CHLSN: variants seen among roughly 807,000 people sequenced by gnomAD.
The protein encoded by CHLSN is protein cholesin.
At chr7:1,122,952 C>T in the CHLSN span, among the ~76,000 whole-genome samples, 1 of 152,206 alleles carries the variant, frequency 6.6e-6, no homozygotes, top group Non-Finnish European at 1.5e-5. Flanking sequence ...GTCACCAAGA[C>T]ACGAGACAGG....
At chr7:993,185 G>T in the CHLSN span, among the ~76,000 whole-genome samples, 1 of 152,238 alleles carries the variant, frequency 6.6e-6, no homozygotes, top group Non-Finnish European at 1.5e-5. Context: ...AGTGGGCGGG[G>T]GGTGGCCTGA....
chr7:1,099,459 C>T, the CHLSN span, among the ~76,000 whole-genome samples: 9 of 152,380 alleles, frequency 5.9e-5, no homozygotes, highest in African/African-American at 1.2e-4. Context: ...GAATCCTAGA[C>T]GCCATCCAGC....
At chr7:992,226 G>T in the CHLSN span, among the ~76,000 whole-genome samples, 1 of 152,222 alleles carries the variant, frequency 6.6e-6, no homozygotes, top group Non-Finnish European at 1.5e-5. Context: ...GGACCCTCCT[G>T]GGGTGGGCAG....
chr7:1,044,748 C>G, the CHLSN span: 3 of 152,284 alleles, frequency 2.0e-5, no homozygotes, highest in Non-Finnish European at 4.4e-5. Context: ...TGCTGTGGCT[C>G]CCACGGCGGG....
the CHLSN span, among the ~76,000 whole-genome samples, chr7:1,016,651 GCA>G: frequency 4.4e-4 from 36 of 82,582 alleles, 1 homozygote; most frequent in South Asian, 2.2e-3. Flanking sequence ...GCGCACAGCA[GCA>G]CACAGCAGCG....
the CHLSN span, chr7:1,059,265 T>TA: frequency 1.2e-5 from 2 of 166,252 alleles, no homozygotes; most frequent in Middle Eastern, 6.8e-3. Context: ...AAAGGTGTGT[T>TA]AGGATTTCTG....
chr7:1,114,596 G>A, the CHLSN span, among the ~76,000 whole-genome samples: 1,694 of 152,362 alleles, frequency 0.011, 25 homozygotes, highest in African/African-American at 0.039. Context: ...CGTGATGGGC[G>A]CGGGGCCCAA....
the CHLSN span, chr7:1,058,985 G>A: frequency 5.4e-6 from 1 of 186,766 alleles, no homozygotes; most frequent in Non-Finnish European, 1.3e-5. Context: ...CTGCCAGTGG[G>A]CGGCGTGTGC....
At chr7:1,042,156 A>G in the CHLSN span, among the ~76,000 whole-genome samples, 33 of 152,004 alleles carry the variant, frequency 2.2e-4, no homozygotes, top group African/African-American at 7.5e-4. Flanking sequence ...CCCACCCGCA[A>G]CACACACGGC....
At chr7:1,110,515 CCCG>C in the CHLSN span, among the ~76,000 whole-genome samples, 1 of 152,206 alleles carries the variant, frequency 6.6e-6, no homozygotes, top group Non-Finnish European at 1.5e-5. Flanking sequence ...TCCCGCGCCT[CCCG>C]CCACGTCTTC....
chr7:1,100,132 ATGCTATACATGC>A, the CHLSN span, among the ~76,000 whole-genome samples: 1 of 152,176 alleles, frequency 6.6e-6, no homozygotes, highest in Admixed American at 6.5e-5. Context: ...CTGAGTGGAA[ATGCTATACATGC>A]CACTTGCCTT....
At chr7:986,151 C>T in the CHLSN span, among the ~76,000 whole-genome samples, 3 of 152,292 alleles carry the variant, frequency 2.0e-5, no homozygotes, top group South Asian at 4.1e-4. Context: ...TACTGGCGAT[C>T]GCGGACGCCC....
At chr7:1,020,858 T>C in the CHLSN span, among the ~76,000 whole-genome samples, 3 of 152,190 alleles carry the variant, frequency 2.0e-5, no homozygotes, top group Non-Finnish European at 4.4e-5. Flanking sequence ...CTCGACTTTC[T>C]TGGGGGCAAT....
the CHLSN span, among the ~76,000 whole-genome samples, chr7:1,130,357 G>A: frequency 6.6e-6 from 1 of 152,216 alleles, no homozygotes; most frequent in African/African-American, 2.4e-5. Flanking sequence ...GCTGGTGGCT[G>A]TGGCCAGGAC....
At chr7:1,016,653 A>ACGCCAGGG in the CHLSN span, among the ~76,000 whole-genome samples, 242 of 77,050 alleles carry the variant, frequency 3.1e-3, 23 homozygotes, top group African/African-American at 0.017. Context: ...GCACAGCAGC[A>ACGCCAGGG]CACAGCAGCG....
the CHLSN span, among the ~76,000 whole-genome samples, chr7:1,004,183 G>A: frequency 0.38 from 58,508 of 152,066 alleles, 12,186 homozygotes; most frequent in African/African-American, 0.56. Context: ...TCTGCTCCCC[G>A]GATGGCCGAC....
At chr7:1,116,098 AG>A in the CHLSN span, among the ~76,000 whole-genome samples, 8 of 102,966 alleles carry the variant, frequency 7.8e-5, no homozygotes, top group Admixed American at 1.1e-4. Flanking sequence ...CTACAGCTCT[AG>A]GGACCGGCTT....
the CHLSN span, among the ~76,000 whole-genome samples, chr7:1,103,729 G>A: frequency 2.6e-5 from 4 of 152,234 alleles, no homozygotes; most frequent in Admixed American, 6.5e-5. Flanking sequence ...GGAGAGGGCT[G>A]TGCTCCGTCT....
At chr7:1,101,888 G>C in the CHLSN span, among the ~76,000 whole-genome samples, 1 of 152,272 alleles carries the variant, frequency 6.6e-6, no homozygotes, top group Non-Finnish European at 1.5e-5. Flanking sequence ...TCGCTCCTGA[G>C]TCTTGGCTCG....
Sources: allele counts gnomAD v4.1 joint callset (sites outside exome capture counted in the v4.1 genomes callset), GRCh38; gene constraint gnomAD v4.1.1; transcripts MANE v1.5; gene names NCBI Gene and HGNC (gene_info 2026-07-23, HGNC 2026-07-21).